PLCXD1: variants seen among roughly 807,000 people sequenced by gnomAD.
PLCXD1 encodes PI-PLC X domain-containing protein 1.
In PLCXD1, 45 loss-of-function variants were observed where a neutral mutation model predicts 37.8. The ratio of observed to expected loss-of-function variants is 1.19; its 90% CI spans 0.94 to 1.53. The LOEUF (loss-of-function observed/expected upper bound fraction) is 1.53, where lower values mean the gene tolerates loss of function less well. PLCXD1 is among the 40% of genes most tolerant of loss of function. The pLI is 0.00. For missense variants in PLCXD1, 539 were observed against 454.7 expected (o/e 1.19, Z -1.69); for synonymous variants, 246 against 206.9 (o/e 1.19, Z -1.62).
At chrX:298,981 T>G in intron 6 of PLCXD1, 116 bp from the exon 7 acceptor site, 1 of 802,348 alleles carries the variant, frequency 1.2e-6, no homozygotes, top group South Asian at 1.5e-5. Flanking sequence ...TTGTTGGACA[T>G]GGTGCTTTCA....
rs1477909648 is a variant in PLCXD1, at chrX:301,109, C to G, written c.*1774C>G. 1 of 152,146 alleles carries G rather than the reference C, an allele frequency of 6.6e-6. No homozygotes were observed. The highest frequency in any genetic ancestry group is 2.4e-5 in the African/African-American group (1 of 41,400). The allele number at this position is 152,146 out of a possible 1,614,324, so 9.4% of individuals were successfully genotyped here. ...CACTGCAGCCTCAACCTCCTGGGCT[C>G]AAGCGATCCTCTCAGCTCAGCCTCC... On this transcript the variant is annotated 3_prime_UTR_variant, in exon 7 of 7. Coordinates refer to ENST00000381657, the MANE Select transcript of PLCXD1 (RefSeq NM_018390.4).
chrX:286,981 G>A (rs957967578), intron 2 of PLCXD1, among the ~76,000 whole-genome samples: 1 of 151,930 alleles, frequency 6.6e-6, no homozygotes, highest in Non-Finnish European at 1.5e-5. Flanking sequence ...TTTAAAGGGG[G>A]TCCACGTTCC....
rs1373938918 is a variant in PLCXD1 at position 301,101 on chromosome X, C to T, written c.*1766C>T. On this transcript the variant is annotated 3_prime_UTR_variant, in exon 7 of 7. Transcript: ENST00000381657. Reference sequence around the variant, plus strand: ...TCATAGCTCACTGCAGCCTCAACCTCCTGGGCTCAAGCGATCCTCTCAGCT... The same window carrying T: ...TCATAGCTCACTGCAGCCTCAACCTTCTGGGCTCAAGCGATCCTCTCAGCT... 2 of 152,322 alleles carry T rather than the reference C, an allele frequency of 1.3e-5. No homozygotes were observed. The highest frequency in any genetic ancestry group is 6.5e-5 in the Admixed American group (1 of 15,280). The allele number at this position is 152,322 out of a possible 1,614,324, so 9.4% of individuals were successfully genotyped here. A position where few individuals can be genotyped will look rare whatever the true frequency, so the allele number is the denominator to read the frequency against.
chrX:289,470 C>G, intron 3 of PLCXD1, among the ~76,000 whole-genome samples: 1 of 151,214 alleles, frequency 6.6e-6, no homozygotes, highest in East Asian at 1.9e-4. Context: ...GGGTCTCGCC[C>G]TGTTGCATCC....
At chrX:298,245 TTCTG>T (rs1458929331) in intron 6 of PLCXD1, among the ~76,000 whole-genome samples, 2 of 11,808 alleles carry the variant, frequency 1.7e-4, no homozygotes, top group African/African-American at 6.2e-4. Flanking sequence ...GGGGACATTA[TTCTG>T]TCTATCACAT....
chrX:282,946 T>A (rs895220407), intron 1 of PLCXD1, among the ~76,000 whole-genome samples: 53 of 61,084 alleles, frequency 8.7e-4, no homozygotes, highest in African/African-American at 5.8e-3. Context: ...ATATATATAT[T>A]ATATATATAT....
intron 5 of PLCXD1, among the ~76,000 whole-genome samples, chrX:291,961 A>ATC (rs1304617761): frequency 1.3e-5 from 2 of 151,504 alleles, no homozygotes; most frequent in Non-Finnish European, 2.9e-5. Flanking sequence ...AGGTCAAGAG[A>ATC]TCGAGACTAT....
rs202134644 is a variant in PLCXD1, at chrX:288,870, G to C, written c.264+1G>C. 2 of 1,612,212 alleles carry C rather than the reference G, an allele frequency of 1.2e-6. No homozygotes were observed. Among genetic ancestry groups the C allele is most frequent in the Admixed American group, 3.3e-5 (2 of 60,018 alleles). Reference sequence around the variant, plus strand: ...CGTGCTGAAATGGTCCGTCACCCAGGTACGGTCTGTGCCCCGTGCTGCTGA... The same window carrying C: ...CGTGCTGAAATGGTCCGTCACCCAGCTACGGTCTGTGCCCCGTGCTGCTGA... On this transcript the variant is annotated splice_donor_variant, in intron 3 of 6. Transcript: ENST00000381657. LOFTEE classifies it high-confidence loss of function.
intron 1 of PLCXD1, chrX:283,133 G>A (rs1423462369): frequency 6.7e-6 from 1 of 149,734 alleles, no homozygotes; most frequent in African/African-American, 2.5e-5. Context: ...GGAGCGGAGA[G>A]TTTAATAGGA....
intron 3 of PLCXD1, among the ~76,000 whole-genome samples, 191 bp from the exon 4 acceptor site, chrX:290,457 C>T (rs1013306537): frequency 3.3e-5 from 5 of 151,422 alleles, no homozygotes; most frequent in Admixed American, 1.3e-4. Flanking sequence ...GCCAGGTCCC[C>T]GGAGATGAGG....
chrX:288,118 G>T (rs2069515605), intron 2 of PLCXD1, among the ~76,000 whole-genome samples: 1 of 147,540 alleles, frequency 6.8e-6, no homozygotes, highest in African/African-American at 2.5e-5. Context: ...GTCTCCTAAG[G>T]ACACCTGTCA....
intron 5 of PLCXD1, among the ~76,000 whole-genome samples, chrX:292,157 G>A (rs2069656173): frequency 6.8e-6 from 1 of 147,680 alleles, no homozygotes; most frequent in African/African-American, 2.5e-5. Context: ...AAAATTATCT[G>A]GGTGTGGCGG....
At chrX:285,374 GTA>G (rs772068793) in intron 2 of PLCXD1, among the ~76,000 whole-genome samples, 371 of 119,022 alleles carry the variant, frequency 3.1e-3, no homozygotes, top group African/African-American at 0.014. Context: ...ATGCACACAT[GTA>G]TATATATATT....
rs1285408001 is a variant in PLCXD1, at chrX:288,715, T to A, written c.128-18T>A. 1 of 1,613,634 alleles carries A rather than the reference T, an allele frequency of 6.2e-7. No homozygotes were observed. The highest frequency in any genetic ancestry group is 8.5e-7 in the Non-Finnish European group (1 of 1,179,646). On this transcript the variant is annotated intron_variant, in intron 2 of 6. Coordinates refer to ENST00000381657, the MANE Select transcript of PLCXD1 (RefSeq NM_018390.4). ...ACGGACTCGTGGTGACATGTCCGCG[T>A]GTGTGCTTTGCTCTCAGGGAGCCAC... is the stretch of plus-strand genomic sequence containing the variant.
At chrX:280,045 T>C (rs62580071), upstream of PLCXD1, among the ~76,000 whole-genome samples, 66,936 of 151,902 alleles carry the variant, frequency 0.44, 15,183 homozygotes, top group East Asian at 0.62. Context: ...GATGGGGTTT[T>C]GCCATGTTGG....
chrX:295,182 AAAG>A (rs1044257409), intron 6 of PLCXD1, among the ~76,000 whole-genome samples: 1 of 152,188 alleles, frequency 6.6e-6, no homozygotes, highest in African/African-American at 2.4e-5. Context: ...AAAAAAAAAA[AAAG>A]GTAACTTTTT....
intron 1 of PLCXD1, among the ~76,000 whole-genome samples, chrX:282,814 T>G (rs1479863715): frequency 1.3e-5 from 2 of 148,332 alleles, no homozygotes; most frequent in African/African-American, 2.5e-5. Context: ...TCCCTTATTT[T>G]CAACAGTATA....
intron 2 of PLCXD1, among the ~76,000 whole-genome samples, chrX:285,523 A>C (rs1057318276): frequency 4.0e-5 from 6 of 151,000 alleles, no homozygotes; most frequent in Non-Finnish European, 7.4e-5. Context: ...ATACACGTGT[A>C]CACACGTACA....
intron 6 of PLCXD1, among the ~76,000 whole-genome samples, chrX:294,259 G>C (rs899308180): frequency 6.6e-6 from 1 of 152,088 alleles, no homozygotes; most frequent in Non-Finnish European, 1.5e-5. Flanking sequence ...GAGGCGGGCG[G>C]ATCATGAGGT....
Sources: gnomAD v4.1 joint callset for allele counts (sites outside exome capture counted in the v4.1 genomes callset) on GRCh38, gnomAD v4.1.1 for gene constraint, MANE v1.5 for transcripts, NCBI Gene and HGNC (gene_info 2026-07-23, HGNC 2026-07-21) for gene names.